The following GTPBP1 variants were observed in gnomAD, a reference collection of about 807,000 sequenced individuals.
The protein encoded by GTPBP1 is GTP binding protein 1.
GTPBP1 carries 23 observed loss-of-function variants against 62.0 expected under a neutral mutation model. That is an observed-to-expected ratio of 0.37 (90% confidence interval 0.27 to 0.53). The LOEUF (loss-of-function observed/expected upper bound fraction) is 0.53. Ranked by LOEUF, GTPBP1 falls within the 20% of genes least tolerant of loss-of-function variation. The probability of loss-of-function intolerance (pLI) is 0.89; values close to 1 mark genes in which losing one functional copy is unlikely to be tolerated. For synonymous variants in GTPBP1, 344 were observed against 364.4 expected, an observed-to-expected ratio of 0.94 and a Z score of 0.64; for missense variants, 640 against 917.3, an observed-to-expected ratio of 0.70 and a Z score of 3.90.
At chr22:38,734,865 C>T (rs777437912), downstream of GTPBP1, 6 of 194,000 alleles carry the variant, frequency 3.1e-5, no homozygotes, top group Non-Finnish European at 5.5e-5. Context: ...TGGAGCGGGG[C>T]GGCCTCACCA....
chr22:38,711,855 A>G (rs1354969535), intron 2 of GTPBP1, among the ~76,000 whole-genome samples: 3 of 152,064 alleles, frequency 2.0e-5, no homozygotes, highest in Non-Finnish European at 2.9e-5. Flanking sequence ...TTCAGGGGAC[A>G]TAGGAGGAGT....
At chr22:38,707,041 A>C (rs1032995692) in intron 1 of GTPBP1, among the ~76,000 whole-genome samples, 8 of 152,236 alleles carry the variant, frequency 5.3e-5, no homozygotes, top group Non-Finnish European at 1.2e-4. Context: ...ACGTTGGGAA[A>C]GTTTCTTAAC....
chr22:38,708,566 C>A (rs2092619857), intron 1 of GTPBP1, among the ~76,000 whole-genome samples: 1 of 152,150 alleles, frequency 6.6e-6, no homozygotes, highest in African/African-American at 2.4e-5. Context: ...TGGGTCCTGC[C>A]CTTCCTGTTA....
At chr22:38,734,763 C>T (rs927785078), downstream of GTPBP1, 1 of 175,436 alleles carries the variant, frequency 5.7e-6, no homozygotes, top group African/African-American at 2.4e-5. Context: ...TTTGCATAGG[C>T]ATAAATTAGG....
At chr22:38,724,035 G>A (rs1174005262) in intron 5 of GTPBP1, among the ~76,000 whole-genome samples, 1 of 152,106 alleles carries the variant, frequency 6.6e-6, no homozygotes, top group African/African-American at 2.4e-5. Context: ...CAGGAGGCAG[G>A]TCGTCTAGAC....
At chr22:38,707,312 G>C (rs1289256194) in intron 1 of GTPBP1, among the ~76,000 whole-genome samples, 1 of 152,230 alleles carries the variant, frequency 6.6e-6, no homozygotes. Context: ...ACTTTTTATA[G>C]TTTATGGCGG....
At chr22:38,725,943 G>A (rs1306425999) in intron 6 of GTPBP1, 63 bp from the exon 7 acceptor site, 14 of 1,526,810 alleles carry the variant, frequency 9.2e-6, no homozygotes, top group Admixed American at 1.7e-5. Flanking sequence ...GTCTGTGTCA[G>A]GGCAGGACCT....
At chr22:38,717,060 G>A (rs2092674917) in intron 4 of GTPBP1, 60 bp downstream of exon 4, 12 of 1,030,424 alleles carry the variant, frequency 1.2e-5, no homozygotes, top group South Asian at 9.7e-5. Flanking sequence ...GTCTGGTTAT[G>A]TGCAAGTCTG....
At position 38,716,130 on chromosome 22, in the gene GTPBP1, G is replaced by GGCTCAGTCACCAACCTCTGTGA; in HGVS notation, c.485+43_485+44insGCTCAGTCACCAACCTCTGTGA. 1 of 1,495,942 alleles carries GGCTCAGTCACCAACCTCTGTGA rather than the reference G, an allele frequency of 6.7e-7. No homozygotes were observed. Among genetic ancestry groups the GGCTCAGTCACCAACCTCTGTGA allele is most frequent in the Non-Finnish European group, 9.1e-7 (1 of 1,096,660 alleles). 92.7% of individuals were successfully genotyped at this position (1,495,942 alleles called of 1,614,324 possible). A position where few individuals can be genotyped will look rare whatever the true frequency, so the allele number is the denominator to read the frequency against. On this transcript the variant is annotated intron_variant, in intron 3 of 11. Transcript: ENST00000216044. This position sits in a 1 kb window ranked among gnomAD's most constrained non-coding sequence, Gnocchi z 5.2. ...CATTTTGGGGTCCCCATTCTTCACA[G>GGCTCAGTCACCAACCTCTGTGA]AGGTTGGTGACTGAGCCTGTGGCAC...
Position 38,730,745 on chromosome 22 carries a change from T to C in GTPBP1, c.*41T>C. 1 of 1,116,590 alleles carries C rather than the reference T, an allele frequency of 9.0e-7. No individual in the cohort carries two copies. The highest frequency in any genetic ancestry group is 1.3e-6 in the Non-Finnish European group (1 of 777,008). 69.2% of individuals were successfully genotyped at this position (1,116,590 alleles called of 1,614,324 possible). A position where few individuals can be genotyped will look rare whatever the true frequency, so the allele number is the denominator to read the frequency against. Reference sequence around the variant, plus strand: ...ACCCTCACCACCCAAGGGGTCATCATCTCTGGCCACCACTCCACCAGATGG... The same window carrying C: ...ACCCTCACCACCCAAGGGGTCATCACCTCTGGCCACCACTCCACCAGATGG... On this transcript the variant is annotated 3_prime_UTR_variant, in exon 12 of 12. Coordinates refer to ENST00000216044, the MANE Select transcript of GTPBP1 (RefSeq NM_004286.5). This position sits in a 1 kb window ranked among gnomAD's most constrained non-coding sequence, Gnocchi z 5.6.
chr22:38,736,501 G>T, downstream of GTPBP1: 4 of 720,214 alleles, frequency 5.6e-6, no homozygotes, highest in Non-Finnish European at 6.6e-6. Context: ...CTTCCCTGGG[G>T]CTCTGAAGAG....
downstream of GTPBP1, chr22:38,739,968 C>A (rs768430255): frequency 5.6e-6 from 9 of 1,601,348 alleles, no homozygotes; most frequent in African/African-American, 6.7e-5. This position sits in a 1 kb window ranked among gnomAD's most constrained non-coding sequence, Gnocchi z 6.7. Flanking sequence ...AGGGGTGTCA[C>A]CCTGGGGGGC....
downstream of GTPBP1, chr22:38,734,357 T>C (rs1372696106): frequency 6.7e-6 from 3 of 446,240 alleles, no homozygotes; most frequent in South Asian, 3.3e-5. Context: ...CGAATTCCCA[T>C]GGAGGAGAAT....
chr22:38,726,104 A>G lies in GTPBP1; in HGVS notation c.1172A>G (p.Glu391Gly). 1 of 1,613,972 alleles carries G rather than the reference A, an allele frequency of 6.2e-7. No homozygotes were observed. The highest frequency in any genetic ancestry group is 1.3e-5 in the African/African-American group (1 of 74,992). Residue 391 changes from glutamate to glycine, a missense_variant, in exon 7 of 12, where the codon GAG (glutamate) becomes GGG (glycine). By Grantham distance (98) the Glu-to-Gly change is moderately conservative (BLOSUM62 -2). Transcript: ENST00000216044. This position sits in a 1 kb window ranked among gnomAD's most constrained non-coding sequence, Gnocchi z 4.1. ...CTCTCCCCCCGCACCAGCTACAGGG[A>G]GGAGGAGCCTGCTGAGTTTCAGATT... ...NLLSPRTSYR[E>G]EEPAEFQIDD...
At chr22:38,708,191 G>A (rs1377587111) in intron 1 of GTPBP1, among the ~76,000 whole-genome samples, 8 of 152,210 alleles carry the variant, frequency 5.3e-5, no homozygotes, top group Admixed American at 5.2e-4. Context: ...CACAGGAGTG[G>A]TTAGAGAATG....
At position 38,721,858 on chromosome 22, in the gene GTPBP1, C is replaced by A; in HGVS notation, c.951C>A (p.Ile317=). 6.3e-7 allele frequency: 1 copy of A among 1,584,708 alleles called. No individual in the cohort carries two copies. The highest frequency in any genetic ancestry group is 8.6e-7 in the Non-Finnish European group (1 of 1,158,960). ...VTKIDMCPAN[I]LQETLKLLQR... Reference sequence around the variant, plus strand: ...AGATTGACATGTGTCCTGCCAACATCCTGCAAGGTAAGTGAAGCCTCCAGC... The same window carrying A: ...AGATTGACATGTGTCCTGCCAACATACTGCAAGGTAAGTGAAGCCTCCAGC... The change falls in exon 5 of 12, where the codon ATC becomes ATA. Residue 317 remains isoleucine (I), a synonymous_variant. Coordinates refer to ENST00000216044, the MANE Select transcript of GTPBP1 (RefSeq NM_004286.5).
intron 5 of GTPBP1, chr22:38,722,695 T>C (rs2092706749): frequency 2.5e-6 from 4 of 1,591,908 alleles, no homozygotes; most frequent in Admixed American, 1.7e-5. Flanking sequence ...AGGCTTCAAC[T>C]GTGTTTCTTC....
At chr22:38,712,436 A>T (rs2092645333) in intron 2 of GTPBP1, among the ~76,000 whole-genome samples, 1 of 152,172 alleles carries the variant, frequency 6.6e-6, no homozygotes, top group African/African-American at 2.4e-5. Context: ...CAGGGCTCAG[A>T]TTCTGAGGGT....
At position 38,727,333 on chromosome 22, in the gene GTPBP1, C is replaced by T. The variant is rs761988740; in HGVS notation, c.1522C>T (p.Arg508Cys). Reference protein sequence around the residue: ...VLHHPTTISPRYQAMVHCGSI... With the variant: ...VLHHPTTISPCYQAMVHCGSI... Reference sequence around the variant, plus strand: ...CCACCACCCCACCACAATTAGCCCGCGCTACCAGGCCATGGGTAGGTGTCT... The same window carrying T: ...CCACCACCCCACCACAATTAGCCCGTGCTACCAGGCCATGGGTAGGTGTCT... Residue 508 changes from arginine to cysteine, a missense_variant, in exon 9 of 12, where the codon CGC (arginine) becomes TGC (cysteine). By Grantham distance (180) the Arg-to-Cys change is radical. This residue lies in a region of GTPBP1 where 220 missense variants were observed against 358.1 expected (regional missense o/e 0.61). Transcript: ENST00000216044. The surrounding 1 kb of genome is among the most constrained non-coding windows in gnomAD (Gnocchi z 6.5). 24 of 1,581,510 alleles carry T rather than the reference C, an allele frequency of 1.5e-5. No individual in the cohort carries two copies. Among genetic ancestry groups the T allele is most frequent in the Non-Finnish European group, 1.9e-5 (22 of 1,163,278 alleles).
Sources: gnomAD v4.1 joint callset for allele counts (sites outside exome capture counted in the v4.1 genomes callset) on GRCh38, gnomAD v4.1.1 for gene constraint, gnomAD v4.1.1 regional missense constraint, Gnocchi (gnomAD v3.1) non-coding constraint, MANE v1.5 for transcripts, NCBI Gene and HGNC (gene_info 2026-07-23, HGNC 2026-07-21) for gene names.